Variants in IL1RAPL2 observed in about 807,000 individuals in gnomAD.
IL1RAPL2 encodes X-linked interleukin-1 receptor accessory protein-like 2.
A neutral mutation model predicts 44.1 loss-of-function variants in IL1RAPL2; 3 were observed. That is an observed-to-expected ratio of 0.07 (90% confidence interval 0.03 to 0.18). IL1RAPL2 has a LOEUF of 0.18. Ranked by LOEUF, IL1RAPL2 falls within the 10% of genes least tolerant of loss-of-function variation. The pLI is 1.00. For missense variants in IL1RAPL2, 391 were observed against 496.4 expected (o/e 0.79, Z 2.02); for synonymous variants, 181 against 178.8 (o/e 1.01, Z -0.10).
intron 2 of IL1RAPL2, among the ~76,000 whole-genome samples, chrX:105,104,822 T>C (rs1002681381): frequency 3.4e-4 from 38 of 112,312 alleles, no homozygotes; most frequent in African/African-American, 1.2e-3. Context: ...ATAAATGCTA[T>C]TGAATGCTGA....
intron 2 of IL1RAPL2, among the ~76,000 whole-genome samples, chrX:104,804,918 TAGA>T (rs1932910922): frequency 8.9e-6 from 1 of 111,993 alleles, no homozygotes; most frequent in Non-Finnish European, 1.9e-5. Context: ...AAGGCAATAA[TAGA>T]AGAGGTGTCA....
At chrX:104,891,956 T>A (rs958171186) in intron 2 of IL1RAPL2, among the ~76,000 whole-genome samples, 5 of 111,622 alleles carry the variant, frequency 4.5e-5, no homozygotes, top group Non-Finnish European at 9.4e-5. Context: ...CTTATTATTT[T>A]GAGATATATC....
intron 1 of IL1RAPL2, among the ~76,000 whole-genome samples, chrX:104,579,297 A>G (rs1046894565): frequency 8.9e-6 from 1 of 112,035 alleles, no homozygotes; most frequent in African/African-American, 3.2e-5. Flanking sequence ...ATGCATATGT[A>G]TGTTCATTGC....
intron 6 of IL1RAPL2, among the ~76,000 whole-genome samples, chrX:105,570,778 A>G (rs902041929): frequency 3.6e-5 from 4 of 111,827 alleles, no homozygotes; most frequent in African/African-American, 1.3e-4. Context: ...TGCATCAGAA[A>G]GGAAGATATT....
intron 5 of IL1RAPL2, among the ~76,000 whole-genome samples, chrX:105,377,874 G>A (rs1204473843): frequency 1.8e-5 from 2 of 111,602 alleles, no homozygotes; most frequent in African/African-American, 6.5e-5. Flanking sequence ...GATATTTGAG[G>A]TTTAACCTAA....
At chrX:105,685,623 A>G (rs1268272438) in intron 6 of IL1RAPL2, among the ~76,000 whole-genome samples, 3 of 111,687 alleles carry the variant, frequency 2.7e-5, no homozygotes, top group Non-Finnish European at 3.8e-5. Context: ...GTTGGAAAAC[A>G]CTCTTCAGGA....
intron 3 of IL1RAPL2, among the ~76,000 whole-genome samples, chrX:105,221,142 A>G (rs1278327928): frequency 8.9e-6 from 1 of 111,845 alleles, no homozygotes; most frequent in African/African-American, 3.2e-5. Context: ...TGTGGGCAAA[A>G]GATTATCCCA....
intron 5 of IL1RAPL2, among the ~76,000 whole-genome samples, chrX:105,422,879 G>A (rs2035782829): frequency 9.1e-6 from 1 of 110,294 alleles, no homozygotes; most frequent in Admixed American, 9.8e-5. Context: ...AGCACCTGTG[G>A]GAGTTTTATA....
rs146890533 is a variant in IL1RAPL2 at position 105,035,218 on chromosome X, C to T, written c.83-160257C>T. 9.0e-3 allele frequency among the ~76,000 whole-genome samples: 1,003 copies of T among 111,783 alleles called. 7 individuals are homozygous for T. Among genetic ancestry groups the T allele is most frequent in the Non-Finnish European group, 0.014 (719 of 53,175 alleles). ...AGTGAGGCAATGCCTTATCCTGCTT[C>T]GGCTCACGCACGGTGCACTGCACCC... On this transcript the variant is annotated intron_variant, in intron 2 of 10. Coordinates refer to ENST00000372582, the MANE Select transcript of IL1RAPL2 (RefSeq NM_017416.2).
chrX:105,278,565 C>T (rs2034503730), intron 5 of IL1RAPL2, among the ~76,000 whole-genome samples: 1 of 111,503 alleles, frequency 9.0e-6, no homozygotes, highest in Non-Finnish European at 1.9e-5. Context: ...AGAGGGAGAC[C>T]AGCCATGAAC....
At chrX:105,248,363 C>T (rs1249643558) in intron 4 of IL1RAPL2, among the ~76,000 whole-genome samples, 3 of 111,316 alleles carry the variant, frequency 2.7e-5, no homozygotes, top group South Asian at 3.7e-4. Flanking sequence ...GATGCAACTA[C>T]GACAACAACA....
chrX:104,790,446 TACA>T (rs1210253290), intron 2 of IL1RAPL2, among the ~76,000 whole-genome samples: 7 of 111,551 alleles, frequency 6.3e-5, no homozygotes, highest in Admixed American at 4.8e-4. Context: ...CGAGAACCAC[TACA>T]AGAATTTTGT....
At chrX:105,319,369 G>T (rs560805701) in intron 5 of IL1RAPL2, among the ~76,000 whole-genome samples, 1 of 111,659 alleles carries the variant, frequency 9.0e-6, no homozygotes, top group African/African-American at 3.3e-5. Context: ...GCCCACTTTT[G>T]CAAATTCAGG....
At chrX:104,957,156 A>G (rs1302004008) in intron 2 of IL1RAPL2, among the ~76,000 whole-genome samples, 1 of 112,604 alleles carries the variant, frequency 8.9e-6, no homozygotes, top group African/African-American at 3.2e-5. Flanking sequence ...GGGTTTCCCC[A>G]TGAATGAAGT....
chrX:105,660,992 G>C (rs1054480859), intron 6 of IL1RAPL2, among the ~76,000 whole-genome samples: 23 of 110,408 alleles, frequency 2.1e-4, no homozygotes, highest in Admixed American at 3.9e-4. Context: ...TCAGTGGTTG[G>C]ATAGATTTAA....
At chrX:104,831,486 C>T (rs1269309742) in intron 2 of IL1RAPL2, among the ~76,000 whole-genome samples, 3 of 111,474 alleles carry the variant, frequency 2.7e-5, no homozygotes, top group Non-Finnish European at 5.7e-5. Context: ...GGTTAAGTAA[C>T]TTGCCCATGG....
chrX:105,451,451 A>G (rs763164424), intron 5 of IL1RAPL2, among the ~76,000 whole-genome samples: 54 of 112,210 alleles, frequency 4.8e-4, no homozygotes, highest in Non-Finnish European at 8.1e-4. Context: ...TTACTTCAGA[A>G]GTGCCTGGCA....
intron 5 of IL1RAPL2, among the ~76,000 whole-genome samples, chrX:105,295,086 A>G (rs2034644623): frequency 8.9e-6 from 1 of 111,962 alleles, no homozygotes; most frequent in Admixed American, 9.5e-5. Context: ...TTAATCTAAC[A>G]AGAACAAGTG....
At chrX:105,117,263 G>C (rs1279845316) in intron 2 of IL1RAPL2, among the ~76,000 whole-genome samples, 2 of 112,547 alleles carry the variant, frequency 1.8e-5, no homozygotes, top group Admixed American at 1.9e-4. Context: ...GATTTGATCA[G>C]AAATGGAATG....
Sources: allele counts gnomAD v4.1 joint callset (sites outside exome capture counted in the v4.1 genomes callset), GRCh38; gene constraint gnomAD v4.1.1; transcripts MANE v1.5; gene names NCBI Gene and HGNC (gene_info 2026-07-23, HGNC 2026-07-21).